Variants in DGKB observed in about 807,000 individuals in gnomAD.
The protein encoded by DGKB is diacylglycerol kinase beta, also known as 90 kDa diacylglycerol kinase.
DGKB carries 67 observed loss-of-function variants against 114.3 expected under a neutral mutation model. That is an observed-to-expected ratio of 0.59 (90% confidence interval 0.48 to 0.72). The LOEUF (loss-of-function observed/expected upper bound fraction) is 0.72. DGKB is among the 30% of genes least tolerant of loss of function. The pLI, the probability that DGKB is intolerant of heterozygous loss-of-function variation, is 0.00. For synonymous variants in DGKB, 398 were observed against 323.1 expected, an observed-to-expected ratio of 1.23 and a Z score of -2.49; for missense variants, 907 against 975.2, an observed-to-expected ratio of 0.93 and a Z score of 0.93.
intron 13 of DGKB, among the ~76,000 whole-genome samples, chr7:14,667,801 AC>A (rs547309917): frequency 5.3e-5 from 8 of 152,268 alleles, no homozygotes; most frequent in Middle Eastern, 3.4e-3. Flanking sequence ...AATGTGTACA[AC>A]AGTCAATATT....
At chr7:14,186,927 C>T (rs76859040) in intron 23 of DGKB, among the ~76,000 whole-genome samples, 30 of 152,040 alleles carry the variant, frequency 2.0e-4, no homozygotes, top group Admixed American at 3.9e-4. Flanking sequence ...GTATACTGCT[C>T]AGGTGATGGG....
At chr7:14,925,294 T>A (rs1453957712) in intron 1 of DGKB, among the ~76,000 whole-genome samples, 1 of 152,184 alleles carries the variant, frequency 6.6e-6, no homozygotes, top group East Asian at 1.9e-4. Flanking sequence ...TGCTGAGGAG[T>A]AAAACCATTG....
At chr7:14,257,501 C>A (rs1411675433) in intron 23 of DGKB, among the ~76,000 whole-genome samples, 1 of 152,056 alleles carries the variant, frequency 6.6e-6, no homozygotes, top group Non-Finnish European at 1.5e-5. Flanking sequence ...CCCCATGTAT[C>A]CTGGGAGGCA....
chr7:14,209,189 CA>C (rs1288810372), intron 23 of DGKB: 1 of 169,758 alleles, frequency 5.9e-6, no homozygotes, highest in African/African-American at 2.6e-4. Context: ...AAAAAAACGC[CA>C]AATTTAAAAA....
At chr7:14,653,568 G>C (rs1413592735) in intron 13 of DGKB, among the ~76,000 whole-genome samples, 1 of 151,892 alleles carries the variant, frequency 6.6e-6, no homozygotes. Flanking sequence ...TGACGAGTTA[G>C]TGGGTTCAGC....
At chr7:14,412,533 G>A (rs1463920327) in intron 21 of DGKB, among the ~76,000 whole-genome samples, 2 of 152,154 alleles carry the variant, frequency 1.3e-5, no homozygotes, top group African/African-American at 4.8e-5. Flanking sequence ...TAATAGATGA[G>A]CCTGAGGCTC....
chr7:14,732,450 T>G (rs1186032320), intron 5 of DGKB, among the ~76,000 whole-genome samples: 1 of 152,164 alleles, frequency 6.6e-6, no homozygotes, highest in East Asian at 1.9e-4. Flanking sequence ...TGGAAAGGCA[T>G]TTCTTTTGTC....
intron 21 of DGKB, among the ~76,000 whole-genome samples, chr7:14,371,615 G>A (rs902283553): frequency 6.6e-6 from 1 of 152,000 alleles, no homozygotes; most frequent in East Asian, 1.9e-4. Context: ...CCTGTATGTT[G>A]TCTATTTACT....
At chr7:14,418,386 T>TTCAC (rs1262041420) in intron 21 of DGKB, among the ~76,000 whole-genome samples, 9 of 144,564 alleles carry the variant, frequency 6.2e-5, no homozygotes, top group Admixed American at 1.4e-4. Flanking sequence ...TATATATATA[T>TTCAC]ATATATACAC....
At chr7:14,433,513 A>G (rs1828793263) in intron 21 of DGKB, among the ~76,000 whole-genome samples, 1 of 152,146 alleles carries the variant, frequency 6.6e-6, no homozygotes, top group African/African-American at 2.4e-5. Flanking sequence ...AAGCGGAAGT[A>G]TTCTACGGTG....
intron 23 of DGKB, among the ~76,000 whole-genome samples, chr7:14,212,375 G>GTTTTGTGATATTTACTCTCA (rs1788189793): frequency 9.4e-5 from 1 of 10,678 alleles, no homozygotes; most frequent in Admixed American, 1.4e-3. Context: ...TTTTACTCTC[G>GTTTTGTGATATTTACTCTCA]TGTTTTGTGA....
chr7:14,400,265 T>C (rs1822897202), intron 21 of DGKB, among the ~76,000 whole-genome samples: 1 of 151,880 alleles, frequency 6.6e-6, no homozygotes, highest in Admixed American at 6.6e-5. Flanking sequence ...CCTTACATTA[T>C]GTTTAATAAT....
At chr7:14,417,126 G>T (rs897187575) in intron 21 of DGKB, among the ~76,000 whole-genome samples, 1 of 151,986 alleles carries the variant, frequency 6.6e-6, no homozygotes, top group East Asian at 1.9e-4. Flanking sequence ...CCTTCAGAAC[G>T]ACACTTAAGT....
intron 23 of DGKB, among the ~76,000 whole-genome samples, chr7:14,202,335 T>C (rs1046656843): frequency 6.6e-6 from 1 of 151,982 alleles, no homozygotes; most frequent in African/African-American, 2.4e-5. Flanking sequence ...GTTCTTCCCA[T>C]GATATCATAA....
chr7:14,779,028 T>G (rs1018202180), intron 2 of DGKB, among the ~76,000 whole-genome samples: 4 of 152,054 alleles, frequency 2.6e-5, no homozygotes, highest in African/African-American at 9.7e-5. Context: ...TGGTGGCACA[T>G]GCCTGTAGTC....
intron 23 of DGKB, among the ~76,000 whole-genome samples, chr7:14,188,700 T>A (rs901277261): frequency 3.4e-5 from 5 of 147,410 alleles, no homozygotes; most frequent in Admixed American, 2.7e-4. Context: ...CCCAATTACA[T>A]TCAATCCAAA....
intron 2 of DGKB, among the ~76,000 whole-genome samples, chr7:14,840,699 AACAC>A (rs57577998): frequency 0.037 from 4,865 of 130,200 alleles, 119 homozygotes; most frequent in African/African-American, 0.066. Flanking sequence ...ACTCTCTTTT[AACAC>A]ACACACACAC....
At chr7:14,733,676 A>C (rs972823430) in intron 5 of DGKB, among the ~76,000 whole-genome samples, 1 of 151,516 alleles carries the variant, frequency 6.6e-6, no homozygotes, top group African/African-American at 2.4e-5. Context: ...ACCCTGTGTC[A>C]GAAAGAAAGA....
At chr7:14,500,504 A>G (rs1785997262) in intron 20 of DGKB, among the ~76,000 whole-genome samples, 1 of 151,666 alleles carries the variant, frequency 6.6e-6, no homozygotes, top group Non-Finnish European at 1.5e-5. Context: ...CTTTCCTAAA[A>G]TAGTACAATC....
Sources: allele counts gnomAD v4.1 joint callset (sites outside exome capture counted in the v4.1 genomes callset), GRCh38; gene constraint gnomAD v4.1.1; transcripts MANE v1.5; gene names NCBI Gene and HGNC (gene_info 2026-07-23, HGNC 2026-07-21).